Variants in FAM135B observed in about 807,000 individuals in gnomAD.
FAM135B encodes the protein family with sequence similarity 135 member B.
Under a neutral mutation model 127.7 loss-of-function variants are expected in FAM135B, and 43 were observed. The ratio of observed to expected loss-of-function variants is 0.34; its 90% CI spans 0.26 to 0.43. The LOEUF (loss-of-function observed/expected upper bound fraction) is 0.43, where lower values mean the gene tolerates loss of function less well. Ranked by LOEUF, FAM135B falls within the 20% of genes least tolerant of loss-of-function variation. The probability of loss-of-function intolerance (pLI) is 1.00; values close to 1 mark genes in which losing one functional copy is unlikely to be tolerated. For synonymous variants in FAM135B, 670 were observed against 665.1 expected, an observed-to-expected ratio of 1.01 and a Z score of -0.11; for missense variants, 1,558 against 1,725.6, an observed-to-expected ratio of 0.90 and a Z score of 1.72.
chr8:138,237,118 G>C (rs960041864), intron 7 of FAM135B, among the ~76,000 whole-genome samples: 2 of 151,500 alleles, frequency 1.3e-5, no homozygotes, highest in Non-Finnish European at 2.9e-5. Flanking sequence ...GGAAGAACAG[G>C]GTGCACCTCA....
intron 3 of FAM135B, among the ~76,000 whole-genome samples, chr8:138,305,544 A>T (rs1826180457): frequency 6.6e-6 from 1 of 152,230 alleles, no homozygotes; most frequent in Non-Finnish European, 1.5e-5. Flanking sequence ...AGAAAAAAAC[A>T]AATCTGAGAC....
At chr8:138,271,002 T>C (rs983345930) in intron 3 of FAM135B, among the ~76,000 whole-genome samples, 1 of 152,174 alleles carries the variant, frequency 6.6e-6, no homozygotes, top group Non-Finnish European at 1.5e-5. Flanking sequence ...TGTGTGCCAA[T>C]GAGATGCCCC....
chr8:138,157,816 AG>A (rs1818922030), intron 12 of FAM135B, among the ~76,000 whole-genome samples: 1 of 152,256 alleles, frequency 6.6e-6, no homozygotes, highest in African/African-American at 2.4e-5. Flanking sequence ...AACAAATGGA[AG>A]AACATTCCAT....
intron 2 of FAM135B, among the ~76,000 whole-genome samples, chr8:138,362,273 AC>A (rs1830464489): frequency 9.8e-6 from 1 of 102,378 alleles, no homozygotes; most frequent in African/African-American, 3.6e-5. Flanking sequence ...ACCATCCCCC[AC>A]CCCCATATCT....
intron 1 of FAM135B, among the ~76,000 whole-genome samples, chr8:138,425,996 TATATATATATATATATACAC>T (rs1225377086): frequency 1.2e-4 from 2 of 16,302 alleles, no homozygotes; most frequent in Admixed American, 6.0e-4. Flanking sequence ...TATATATATA[TATATATATATATATATACAC>T]ACACATACAT....
At chr8:138,184,613 C>G (rs1815381714) in intron 9 of FAM135B, among the ~76,000 whole-genome samples, 1 of 152,118 alleles carries the variant, frequency 6.6e-6, no homozygotes, top group Non-Finnish European at 1.5e-5. Context: ...GCCCCTGGAA[C>G]CTCTGGAGAG....
intron 3 of FAM135B, among the ~76,000 whole-genome samples, chr8:138,305,359 A>G (rs189515767): frequency 1.3e-5 from 2 of 152,224 alleles, no homozygotes; most frequent in African/African-American, 4.8e-5. Context: ...GCTCCCAAGC[A>G]TGATTCAACT....
At chr8:138,245,048 G>A (rs565024617) in intron 6 of FAM135B, among the ~76,000 whole-genome samples, 13 of 152,286 alleles carry the variant, frequency 8.5e-5, no homozygotes, top group African/African-American at 2.9e-4. Context: ...TCCAGCTGCT[G>A]TGATCCAACT....
chr8:138,389,116 A>G (rs1832389272), intron 1 of FAM135B, among the ~76,000 whole-genome samples: 1 of 152,202 alleles, frequency 6.6e-6, no homozygotes, highest in Non-Finnish European at 1.5e-5. Flanking sequence ...ATCACTTCAT[A>G]GCCACTAGGA....
At chr8:138,309,833 C>T (rs1301109815) in intron 3 of FAM135B, among the ~76,000 whole-genome samples, 2 of 150,636 alleles carry the variant, frequency 1.3e-5, no homozygotes, top group Non-Finnish European at 2.9e-5. Flanking sequence ...TCCCTACCCT[C>T]TACCCTACTC....
At chr8:138,236,740 G>T (rs1820305016) in intron 7 of FAM135B, among the ~76,000 whole-genome samples, 1 of 152,206 alleles carries the variant, frequency 6.6e-6, no homozygotes, top group East Asian at 1.9e-4. Context: ...TCAAAAATGT[G>T]ATTCGAAATG....
intron 1 of FAM135B, among the ~76,000 whole-genome samples, chr8:138,434,544 C>A (rs1835360393): frequency 6.6e-6 from 1 of 152,100 alleles, no homozygotes; most frequent in Non-Finnish European, 1.5e-5. Flanking sequence ...TGTCAGACAC[C>A]AAATTATATG....
intron 14 of FAM135B, among the ~76,000 whole-genome samples, chr8:138,146,341 G>C (rs1382193847): frequency 6.6e-6 from 1 of 152,120 alleles, no homozygotes; most frequent in East Asian, 1.9e-4. Context: ...AACAGTGGGA[G>C]ATACACCACC....
intron 7 of FAM135B, among the ~76,000 whole-genome samples, chr8:138,211,421 T>C (rs1190545219): frequency 6.6e-6 from 1 of 152,224 alleles, no homozygotes; most frequent in East Asian, 1.9e-4. Flanking sequence ...AAATCATTTA[T>C]CAACATTAAT....
At chr8:138,285,973 G>C (rs537582649) in intron 3 of FAM135B, among the ~76,000 whole-genome samples, 3 of 152,308 alleles carry the variant, frequency 2.0e-5, no homozygotes, top group African/African-American at 7.2e-5. Context: ...CCAGGCACTA[G>C]AGTTATGGCA....
rs780847196 is a variant in FAM135B, at chr8:138,250,846, C to A, written c.537G>T (p.Leu179Phe). ...GCTGCCTCTGAACTTCATACCTGAT[C>A]AATGGCTGCTGCAGAGCCACCAGGG... ...HAALVALQQP[L>F]ISFTRPGRGS... Residue 179 changes from leucine (L) to phenylalanine (F), a missense_variant, in exon 6 of 20, where the codon TTG (leucine) becomes TTT (phenylalanine). This residue lies in a region of FAM135B where 199 missense variants were observed against 245.7 expected (regional missense o/e 0.81). Transcript: ENST00000395297. The A allele has an allele frequency of 2.5e-6, 4 of 1,613,744 alleles. No homozygotes were observed. In the South Asian group the frequency reaches 4.4e-5, roughly 18 times the overall value.
At chr8:138,231,415 G>A (rs1819898441) in intron 7 of FAM135B, among the ~76,000 whole-genome samples, 1 of 152,074 alleles carries the variant, frequency 6.6e-6, no homozygotes, top group Admixed American at 6.6e-5. Context: ...CACACCTGAG[G>A]GGTTTAACAT....
intron 1 of FAM135B, among the ~76,000 whole-genome samples, chr8:138,460,250 G>A (rs1358385442): frequency 6.6e-6 from 1 of 152,168 alleles, no homozygotes; most frequent in Non-Finnish European, 1.5e-5. Context: ...TTGCTTAGAG[G>A]CACATGGCTA....
chr8:138,277,818 G>C (rs1224121234), intron 3 of FAM135B, among the ~76,000 whole-genome samples: 1 of 152,210 alleles, frequency 6.6e-6, no homozygotes, highest in Non-Finnish European at 1.5e-5. Context: ...AGAAGATGCT[G>C]TCCATCTCTT....
Sources: allele counts gnomAD v4.1 joint callset (sites outside exome capture counted in the v4.1 genomes callset), GRCh38; gene constraint gnomAD v4.1.1; regional missense constraint gnomAD v4.1.1; transcripts MANE v1.5; gene names NCBI Gene and HGNC (gene_info 2026-07-23, HGNC 2026-07-21).